The following KNTC1 variants were observed in gnomAD, a reference collection of about 807,000 sequenced individuals.
KNTC1 encodes the protein kinetochore-associated protein 1.
In KNTC1, 253 loss-of-function variants were observed where a neutral mutation model predicts 314.4. The ratio of observed to expected loss-of-function variants is 0.80; its 90% CI spans 0.73 to 0.89. The LOEUF is 0.89. Ranked by LOEUF, KNTC1 falls within the 40% of genes least tolerant of loss-of-function variation. KNTC1 has a pLI of 0.00. For synonymous variants in KNTC1, 901 were observed against 901.4 expected (o/e 1.00, Z 0.01); for missense variants, 2,475 against 2,572.9 (o/e 0.96, Z 0.82).
At position 122,626,205 on chromosome 12, in the gene KNTC1, A is replaced by G. The variant is rs201608746; in HGVS notation, c.6607A>G (p.Met2203Val). Residue 2203 changes from methionine to valine, a missense_variant and splice_region_variant, in exon 64 of 64, where the codon ATG becomes GTG. Coordinates refer to ENST00000333479, the MANE Select transcript of KNTC1 (RefSeq NM_014708.6). ...CACTTCTGTGTTTCTTCCCATTTAG[A>G]TGTTTCTTAGTGGATTATCGTAAAT... is the stretch of plus-strand genomic sequence containing the variant. ...PDTAPCEILK[M>V]FLSGLS 5.0e-6 allele frequency: 8 copies of G among 1,584,194 alleles called. No homozygotes were observed. In the African/African-American group the frequency reaches 6.7e-5, roughly 13 times the overall value.
At chr12:122,608,745 G>A (rs1391394714) in intron 51 of KNTC1, among the ~76,000 whole-genome samples, 8 of 152,152 alleles carry the variant, frequency 5.3e-5, no homozygotes, top group Admixed American at 5.2e-4. Context: ...AATTCATGGA[G>A]TCTTTTCCTT....
chr12:122,598,127 C>A (rs544297743), intron 44 of KNTC1, among the ~76,000 whole-genome samples, 189 bp downstream of exon 44: 2 of 152,124 alleles, frequency 1.3e-5, no homozygotes, highest in East Asian at 1.9e-4. Flanking sequence ...ATAGAAATAG[C>A]TTTTCTTCCC....
At chr12:122,554,304 A>G (rs967457488) in intron 16 of KNTC1, among the ~76,000 whole-genome samples, 17 of 151,312 alleles carry the variant, frequency 1.1e-4, no homozygotes, top group African/African-American at 4.1e-4. Flanking sequence ...CTGGTCTTAA[A>G]CTCCTGACCT....
chr12:122,554,074 A>ATATATATATATAT (rs71445282), intron 16 of KNTC1, among the ~76,000 whole-genome samples: 23 of 70,682 alleles, frequency 3.3e-4, no homozygotes, highest in African/African-American at 1.1e-3. Flanking sequence ...TAAAAAAAAA[A>ATATATATATATAT]AAATATATAT....
intron 3 of KNTC1, among the ~76,000 whole-genome samples, chr12:122,536,211 T>C (rs137956621): frequency 7.9e-4 from 120 of 151,368 alleles, no homozygotes; most frequent in African/African-American, 2.8e-3. Context: ...CCCCGAAAGT[T>C]TTTTCTTTCT....
At chr12:122,613,477 C>A (rs1873406524) in intron 54 of KNTC1, 149 bp from the exon 55 acceptor site, 1 of 686,996 alleles carries the variant, frequency 1.5e-6, no homozygotes, top group Non-Finnish European at 2.3e-6. Flanking sequence ...TGATTTCTAT[C>A]TAATGTTATT....
chr12:122,607,363 C>T lies in KNTC1; in HGVS notation c.5496+1948C>T, dbSNP rs543674129. Reference sequence around the variant, plus strand: ...ACAGGCATGAGCCACCGTGCTTGGCCTCTAGTCTGTTTTAATCTGTAACAG... The same window carrying T: ...ACAGGCATGAGCCACCGTGCTTGGCTTCTAGTCTGTTTTAATCTGTAACAG... On this transcript the variant is annotated intron_variant, in intron 51 of 63. Coordinates refer to ENST00000333479, the MANE Select transcript of KNTC1 (RefSeq NM_014708.6). Among the ~76,000 whole-genome samples, 5 of 152,280 alleles carry T rather than the reference C, an allele frequency of 3.3e-5. No homozygotes were observed. The East Asian group carries it at 9.6e-4, about 29-fold the overall frequency.
intron 55 of KNTC1, among the ~76,000 whole-genome samples, chr12:122,614,487 C>T (rs111480718): frequency 4.6e-5 from 7 of 152,128 alleles, no homozygotes; most frequent in Non-Finnish European, 1.0e-4. Context: ...GGGAGACATC[C>T]GAGGTGGTGT....
At chr12:122,567,971 TAAAAC>T (rs1390211387) in intron 20 of KNTC1, among the ~76,000 whole-genome samples, 10 of 152,014 alleles carry the variant, frequency 6.6e-5, no homozygotes, top group African/African-American at 1.7e-4. Context: ...AAAAAACAAA[TAAAAC>T]AAACAAGAGT....
intron 51 of KNTC1, among the ~76,000 whole-genome samples, 177 bp downstream of exon 51, chr12:122,605,592 C>T (rs1240086996): frequency 6.6e-6 from 1 of 152,190 alleles, no homozygotes; most frequent in African/African-American, 2.4e-5. Flanking sequence ...GTTGCCCAGG[C>T]TGGAGTGTAA....
chr12:122,557,476 AGAC>A lies in KNTC1; in HGVS notation c.1370_1372del (p.Asp457del), dbSNP rs1193586355. On this transcript the variant is annotated inframe_deletion, in exon 17 of 64. Transcript: ENST00000333479. ...AACAGACCGAATGGCAACAACTTGT[AGAC>A]GACGCTAAGGAAAATCTACATAAGA... is the stretch of plus-strand genomic sequence containing the variant. 6 of 1,613,760 alleles carry A rather than the reference AGAC, an allele frequency of 3.7e-6. No homozygotes were observed. In the African/African-American group the frequency reaches 8.0e-5, roughly 22 times the overall value.
chr12:122,584,192 T>G, intron 34 of KNTC1, 86 bp from the exon 35 acceptor site: 1 of 869,874 alleles, frequency 1.1e-6, no homozygotes, highest in Non-Finnish European at 1.9e-6. Context: ...GTGTTGATGG[T>G]GGTGGTGATA....
intron 29 of KNTC1, 90 bp from the exon 30 acceptor site, chr12:122,576,805 A>AGCAAAG: frequency 1.0e-6 from 1 of 980,874 alleles, no homozygotes; most frequent in African/African-American, 1.7e-5. Flanking sequence ...CATTATTTAA[A>AGCAAAG]TTTTTTTGCC....
chr12:122,609,220 CCAT>C, intron 51 of KNTC1, 161 bp from the exon 52 acceptor site: 1 of 614,656 alleles, frequency 1.6e-6, no homozygotes, highest in Non-Finnish European at 2.9e-6. Context: ...ATGAGTAGAC[CCAT>C]CAGTTAAGCA....
intron 50 of KNTC1, 30 bp from the exon 51 acceptor site, chr12:122,605,270 CTTGAGT>C (rs1213861083): frequency 2.9e-6 from 4 of 1,371,944 alleles, no homozygotes; most frequent in Non-Finnish European, 4.0e-6. Flanking sequence ...ATATTTAAAA[CTTGAGT>C]TTTTCTTTTC....
chr12:122,612,774 A>G (rs1873315331), intron 53 of KNTC1: 1 of 198,858 alleles, frequency 5.0e-6, no homozygotes, highest in African/African-American at 2.3e-5. Context: ...GGCTGCAACA[A>G]CAGTTGGGGG....
In KNTC1 at chr12:122,557,401, G is replaced by A. The variant is rs1231129129; in HGVS notation, c.1290G>A (p.Lys430=). Reference sequence around the variant, plus strand: ...TATTACAGCTTGTTTACAAGGTCAAGTCAAATCATATATTGGAGAAACTGG... The same window carrying A: ...TATTACAGCTTGTTTACAAGGTCAAATCAAATCATATATTGGAGAAACTGG... ...GLDVELVYKV[K]SNHILEKLAL... Residue 430 remains lysine, a synonymous_variant, in exon 17 of 64, where the codon AAG becomes AAA. Coordinates refer to ENST00000333479, the MANE Select transcript of KNTC1 (RefSeq NM_014708.6). The A allele has an allele frequency of 6.8e-6, 11 of 1,613,450 alleles. No individual in the cohort carries two copies. In the East Asian group the frequency reaches 2.5e-4, roughly 36 times the overall value.
At chr12:122,547,606 T>C in intron 11 of KNTC1, 76 bp downstream of exon 11, 1 of 922,620 alleles carries the variant, frequency 1.1e-6, no homozygotes, top group East Asian at 2.6e-5. Context: ...GTTCAGGTCA[T>C]TTATTATGTT....
At chr12:122,596,010 C>T (rs1261813852) in intron 43 of KNTC1, among the ~76,000 whole-genome samples, 1 of 150,592 alleles carries the variant, frequency 6.6e-6, no homozygotes, top group Non-Finnish European at 1.5e-5. Flanking sequence ...GCAAATTAAA[C>T]TATCACTGTG....
Sources: allele counts gnomAD v4.1 joint callset (sites outside exome capture counted in the v4.1 genomes callset), GRCh38; gene constraint gnomAD v4.1.1; transcripts MANE v1.5; gene names NCBI Gene and HGNC (gene_info 2026-07-23, HGNC 2026-07-21).